The following GPA33 variants were observed in gnomAD, a reference collection of about 807,000 sequenced individuals.
GPA33 encodes the protein glycoprotein A33, also known as cell surface A33 antigen.
In GPA33, 27 loss-of-function variants were observed where a neutral mutation model predicts 35.6. That is an observed-to-expected ratio of 0.76 (90% confidence interval 0.56 to 1.04). GPA33 has a LOEUF of 1.04. Ranked by LOEUF, GPA33 falls within the 50% of genes least tolerant of loss-of-function variation. GPA33 has a pLI of 0.00. For missense variants in GPA33, 428 were observed against 411.9 expected (o/e 1.04, Z -0.34); for synonymous variants, 176 against 164.0 (o/e 1.07, Z -0.56).
chr1:167,053,211 TGAG>T lies in GPA33; in HGVS notation c.*1120_*1122del, dbSNP rs774973897. 2 of 152,224 alleles carry T rather than the reference TGAG, an allele frequency of 1.3e-5. No homozygotes were observed. Among genetic ancestry groups the T allele is most frequent in the Non-Finnish European group, 2.9e-5 (2 of 68,044 alleles). The allele number at this position is 152,224 out of a possible 1,614,324, so 9.4% of individuals were successfully genotyped here. A position where few individuals can be genotyped will look rare whatever the true frequency, so the allele number is the denominator to read the frequency against. On this transcript the variant is annotated 3_prime_UTR_variant, in exon 7 of 7. Coordinates refer to ENST00000367868, the MANE Select transcript of GPA33 (RefSeq NM_005814.3). ...GAACAACCAGGAACCCCATGTGGGT[TGAG>T]GAGACATGCCAATTATTCTGGCCTG...
chr1:167,083,040 C>T (rs372342872), intron 1 of GPA33, among the ~76,000 whole-genome samples: 15 of 152,104 alleles, frequency 9.9e-5, no homozygotes, highest in East Asian at 1.9e-4. Context: ...GCTGCCAACC[C>T]GGGGTGGCTT....
rs1239613126 is a variant in GPA33, at chr1:167,055,136, C to T, written c.692-25G>A. The T allele has an allele frequency of 8.7e-6, 14 of 1,609,402 alleles. No homozygotes were observed. In the Admixed American group the frequency reaches 2.2e-4, roughly 25 times the overall value. Reference sequence around the variant, plus strand: ...GCTGCAAGAGGACAGAGCAGCTGCACTTGCCGAGCTTCTAAGCTAGCTCCG... The same window carrying T: ...GCTGCAAGAGGACAGAGCAGCTGCATTTGCCGAGCTTCTAAGCTAGCTCCG... On this transcript the variant is annotated intron_variant, in intron 5 of 6. Transcript: ENST00000367868.
rs771460866 is a variant in GPA33, at chr1:167,054,462, G to A, written c.832C>T (p.Arg278Trp). Reference sequence around the variant, plus strand: ...TCTGGTGGCTCCTCATAGGCTTCCCGGTTCCTGCAGGGCAGCAGGGGACAG... The same window carrying A: ...TCTGGTGGCTCCTCATAGGCTTCCCAGTTCCTGCAGGGCAGCAGGGGACAG... ...TEDKEDARPN[R>W]EAYEEPPEQL... Residue 278 changes from arginine to tryptophan, a missense_variant, in exon 7 of 7, where the codon CGG becomes TGG. Physicochemically the swap from Arg to Trp is moderately radical, Grantham distance 101. Coordinates refer to ENST00000367868, the MANE Select transcript of GPA33 (RefSeq NM_005814.3). 9.9e-6 allele frequency: 16 copies of A among 1,613,904 alleles called. No individual in the cohort carries two copies. Among genetic ancestry groups the A allele is most frequent in the South Asian group, 8.8e-5 (8 of 91,076 alleles).
At chr1:167,083,383 T>C (rs989826605) in intron 1 of GPA33, among the ~76,000 whole-genome samples, 4 of 152,020 alleles carry the variant, frequency 2.6e-5, no homozygotes, top group Non-Finnish European at 5.9e-5. Context: ...AAAGGCAGGA[T>C]AGGAAATGGT....
intron 3 of GPA33, among the ~76,000 whole-genome samples, chr1:167,067,132 G>T (rs1300723581): frequency 6.6e-6 from 1 of 152,008 alleles, no homozygotes; most frequent in African/African-American, 2.4e-5. Flanking sequence ...TCTTTTCTCT[G>T]TGTTTTTTGT....
At chr1:167,060,433 C>G (rs1263573102) in intron 4 of GPA33, among the ~76,000 whole-genome samples, 1 of 152,216 alleles carries the variant, frequency 6.6e-6, no homozygotes, top group Non-Finnish European at 1.5e-5. Flanking sequence ...GCTTTGAGAA[C>G]TCTGCCCTCA....
At chr1:167,056,689 G>GATGA (rs1417438857) in intron 4 of GPA33, among the ~76,000 whole-genome samples, 3 of 118,520 alleles carry the variant, frequency 2.5e-5, no homozygotes, top group Non-Finnish European at 3.7e-5. Context: ...TCTGGTGTGT[G>GATGA]GTGGGTGTGT....
intron 1 of GPA33, among the ~76,000 whole-genome samples, chr1:167,076,897 A>G (rs1571316525): frequency 6.6e-6 from 1 of 152,124 alleles, no homozygotes; most frequent in Admixed American, 6.6e-5. Context: ...TCTTTCCACC[A>G]CCTTCGTCTA....
At chr1:167,057,412 G>A (rs1357541927) in intron 4 of GPA33, among the ~76,000 whole-genome samples, 4 of 152,280 alleles carry the variant, frequency 2.6e-5, no homozygotes, top group South Asian at 4.1e-4. Context: ...AGCCTTGCCT[G>A]ATCCCTGCTG....
chr1:167,055,216 A>C, intron 5 of GPA33, 105 bp from the exon 6 acceptor site: 1 of 1,081,200 alleles, frequency 9.2e-7, no homozygotes, highest in Non-Finnish European at 1.4e-6. Flanking sequence ...ACACTCCATG[A>C]AAGGCATGGT....
At chr1:167,072,490 G>A (rs560252802) in intron 2 of GPA33, among the ~76,000 whole-genome samples, 6 of 152,222 alleles carry the variant, frequency 3.9e-5, no homozygotes, top group African/African-American at 1.4e-4. Flanking sequence ...GATGTTATTT[G>A]TCAAAATGTT....
intron 2 of GPA33, among the ~76,000 whole-genome samples, chr1:167,073,171 A>C (rs1488050863): frequency 1.3e-5 from 2 of 152,132 alleles, no homozygotes; most frequent in East Asian, 3.9e-4. Context: ...CACCAGAAAG[A>C]TATTTTAGGG....
At chr1:167,086,336 C>A in intron 1 of GPA33, among the ~76,000 whole-genome samples, 1 of 152,342 alleles carries the variant, frequency 6.6e-6, no homozygotes, top group South Asian at 2.1e-4. Context: ...GTTGCATTTG[C>A]GGGCTGACAC....
At chr1:167,055,301 C>A (rs1666217278) in intron 5 of GPA33, among the ~76,000 whole-genome samples, 190 bp from the exon 6 acceptor site, 1 of 152,222 alleles carries the variant, frequency 6.6e-6, no homozygotes, top group Admixed American at 6.5e-5. Flanking sequence ...ATATGGTCCA[C>A]TTCACATCTT....
Position 167,073,428 on chromosome 1 carries a change from C to A in GPA33, c.155G>T (p.Arg52Leu), listed in dbSNP as rs774631325. The stretch of plus-strand genomic sequence containing the variant: ...CTTATCCCATTGAATAAGTCCCTCT[C>A]GACTGGAGGTGGAAGTGTGGTAGGT... ...PCTYHTSTSS[R>L]EGLIQWDKLL... Residue 52 changes from arginine (R) to leucine (L), a missense_variant, in exon 2 of 7, where the codon CGA (arginine) becomes CTA (leucine). Physicochemically the swap from Arg to Leu is moderately radical, Grantham distance 102 (BLOSUM62 -2). Coordinates refer to ENST00000367868, the MANE Select transcript of GPA33 (RefSeq NM_005814.3). 6.2e-7 allele frequency: 1 copy of A among 1,613,590 alleles called. No homozygotes were observed. The highest frequency in any genetic ancestry group is 8.5e-7 in the Non-Finnish European group (1 of 1,179,720).
intron 2 of GPA33, among the ~76,000 whole-genome samples, chr1:167,071,595 G>A (rs1202694708): frequency 6.6e-6 from 1 of 152,188 alleles, no homozygotes; most frequent in Non-Finnish European, 1.5e-5. Flanking sequence ...GCTGACAAGC[G>A]AGGGAGAAAC....
At chr1:167,056,684 T>A (rs1453540302) in intron 4 of GPA33, among the ~76,000 whole-genome samples, 523 of 3,006 alleles carry the variant, frequency 0.17, no homozygotes, top group South Asian at 0.25. Context: ...ATGTGTCTGG[T>A]GTGTGGTGGG....
intron 4 of GPA33, among the ~76,000 whole-genome samples, chr1:167,058,047 A>C (rs1182287201): frequency 1.3e-5 from 2 of 152,106 alleles, no homozygotes; most frequent in Non-Finnish European, 2.9e-5. Flanking sequence ...ACAAATATAA[A>C]AATTAGCCGG....
chr1:167,054,342 C>T lies in GPA33; in HGVS notation c.952G>A (p.Asp318Asn), dbSNP rs766281753. ...STGRESPDHL[D>N]Q is the part of the protein sequence containing the mutation. ...CCTCTGCTGCTGGCCTGTCACTGGT[C>T]GAGGTGGTCCGGGGATTCACGCCCA... Residue 318 changes from aspartate (D) to asparagine (N), a missense_variant, in exon 7 of 7, where the codon GAC (aspartate) becomes AAC (asparagine). Asp to Asn is a conservative substitution (Grantham distance 23). Coordinates refer to ENST00000367868, the MANE Select transcript of GPA33 (RefSeq NM_005814.3). 92 of 1,613,952 alleles carry T rather than the reference C, an allele frequency of 5.7e-5. No homozygotes were observed. The highest frequency in any genetic ancestry group is 7.4e-5 in the Non-Finnish European group (87 of 1,179,998).
Sources: gnomAD v4.1 joint callset for allele counts (sites outside exome capture counted in the v4.1 genomes callset) on GRCh38, gnomAD v4.1.1 for gene constraint, MANE v1.5 for transcripts, NCBI Gene and HGNC (gene_info 2026-07-23, HGNC 2026-07-21) for gene names.